Variants in COPS3 observed in about 807,000 individuals in gnomAD.
COPS3 encodes the protein COP9 signalosome subunit 3.
A neutral mutation model predicts 58.2 loss-of-function variants in COPS3; 10 were observed. The ratio of observed to expected loss-of-function variants is 0.17; its 90% CI spans 0.11 to 0.29. The LOEUF (loss-of-function observed/expected upper bound fraction) is 0.29, where lower values mean the gene tolerates loss of function less well. Ranked by LOEUF, COPS3 falls within the 10% of genes least tolerant of loss-of-function variation. The pLI is 1.00. For synonymous variants in COPS3, 187 were observed against 181.7 expected (o/e 1.03, Z -0.24); for missense variants, 333 against 510.1 (o/e 0.65, Z 3.34).
intron 2 of COPS3, among the ~76,000 whole-genome samples, chr17:17,272,389 C>A (rs2048371982): frequency 6.6e-6 from 1 of 152,098 alleles, no homozygotes; most frequent in Admixed American, 6.6e-5. Context: ...TGCCACTGCA[C>A]TCCAGCCCGG....
chr17:17,254,951 A>G lies in COPS3; in HGVS notation c.937-6T>C. The G allele has an allele frequency of 2.5e-6, 4 of 1,602,118 alleles. No individual in the cohort carries two copies. The highest frequency in any genetic ancestry group is 3.4e-6 in the Non-Finnish European group (4 of 1,169,696). ...AATGATAGAGTTAAAAAGGTCTGAAAGTCAGAAGCAGAATTAGTCACAGGT... is the reference window on the plus strand; with the variant it reads ...AATGATAGAGTTAAAAAGGTCTGAAGGTCAGAAGCAGAATTAGTCACAGGT... On this transcript the variant is annotated splice_region_variant and splice_polypyrimidine_tract_variant and intron_variant, in intron 8 of 11. Coordinates refer to ENST00000268717, the MANE Select transcript of COPS3 (RefSeq NM_003653.4).
Position 17,263,505 on chromosome 17 carries a change from C to CT in COPS3, c.621+1296dup, listed in dbSNP as rs1400982096. ...TGAGCCACCTCACCCAGCCTCTTGC[C>CT]TTTTCTTTTTTTTTTTTTTTTTTTT... On this transcript the variant is annotated intron_variant, in intron 6 of 11. Coordinates refer to ENST00000268717, the MANE Select transcript of COPS3 (RefSeq NM_003653.4). Among the ~76,000 whole-genome samples, 89 of 108,476 alleles carry CT rather than the reference C, an allele frequency of 8.2e-4. 4 individuals are homozygous for CT. Among genetic ancestry groups the CT allele is most frequent in the East Asian group, 2.6e-3 (8 of 3,078 alleles). The allele number at this position is 108,476 out of a possible 152,430, so 71.2% of individuals were successfully genotyped here.
At chr17:17,271,532 T>C (rs560425112) in intron 2 of COPS3, among the ~76,000 whole-genome samples, 1 of 151,232 alleles carries the variant, frequency 6.6e-6, no homozygotes, top group Non-Finnish European at 1.5e-5. Flanking sequence ...AAGAAAAATA[T>C]GTTTAGGCCT....
chr17:17,268,356 G>T (rs1220971738), intron 4 of COPS3, among the ~76,000 whole-genome samples: 1 of 152,112 alleles, frequency 6.6e-6, no homozygotes, highest in African/African-American at 2.4e-5. Flanking sequence ...ATTACTTGTG[G>T]CTAAGGGTGT....
chr17:17,261,872 C>A, intron 7 of COPS3, 94 bp downstream of exon 7: 1 of 1,079,558 alleles, frequency 9.3e-7, no homozygotes, highest in Non-Finnish European at 1.3e-6. Flanking sequence ...AGAGCTAAAT[C>A]AGTATAAAAC....
intron 5 of COPS3, among the ~76,000 whole-genome samples, chr17:17,267,482 A>T (rs2048252281): frequency 6.6e-6 from 1 of 151,616 alleles, no homozygotes; most frequent in Non-Finnish European, 1.5e-5. Context: ...TACTAAAAAT[A>T]CAAAAATTAG....
At chr17:17,275,562 G>A (rs567297610) in intron 2 of COPS3, among the ~76,000 whole-genome samples, 6 of 152,244 alleles carry the variant, frequency 3.9e-5, no homozygotes, top group African/African-American at 1.4e-4. Flanking sequence ...TCAATAAACT[G>A]TAACTGCCAT....
rs1457228824 is a variant in COPS3 at position 17,263,353 on chromosome 17, G to A, written c.622-1247C>T. Among the ~76,000 whole-genome samples the A allele has an allele frequency of 2.1e-4, 32 of 150,938 alleles. 1 individual carries two copies. Among genetic ancestry groups the A allele is most frequent in the Non-Finnish European group, 1.5e-5 (1 of 67,798 alleles). ...GTAGCTGGGATTACAGGCGCCTGCT[G>A]CCAGGCCCAGCTAATTTTTGCATTT... On this transcript the variant is annotated intron_variant, in intron 6 of 11. Coordinates refer to ENST00000268717, the MANE Select transcript of COPS3 (RefSeq NM_003653.4).
intron 9 of COPS3, among the ~76,000 whole-genome samples, chr17:17,253,035 G>A (rs1374741548): frequency 6.6e-6 from 1 of 152,118 alleles, no homozygotes; most frequent in Non-Finnish European, 1.5e-5. Flanking sequence ...AGTTATGCCT[G>A]GCCAACATAA....
intron 5 of COPS3, among the ~76,000 whole-genome samples, chr17:17,266,755 T>C (rs1419948712): frequency 6.6e-6 from 1 of 150,898 alleles, no homozygotes; most frequent in Admixed American, 6.6e-5. Context: ...GCCTAGATCA[T>C]GCCACTGCAC....
rs145710793 is a variant in COPS3, at chr17:17,278,999, C to A, written c.55+2133G>T. On this transcript the variant is annotated intron_variant, in intron 1 of 11. Transcript: ENST00000268717. Reference sequence around the variant, plus strand: ...ATGCCATTCTCCTGCCTCAGCCTCCCGAGTAGCTGAGATTACAGGCGCCCG... The same window carrying A: ...ATGCCATTCTCCTGCCTCAGCCTCCAGAGTAGCTGAGATTACAGGCGCCCG... Among the ~76,000 whole-genome samples, 263 of 151,850 alleles carry A rather than the reference C, an allele frequency of 1.7e-3. 6 individuals are homozygous for A. In the East Asian group the frequency reaches 0.039, roughly 23 times the overall value.
At chr17:17,265,026 G>A (rs1429415318) in intron 5 of COPS3, 45 bp from the exon 6 acceptor site, 5 of 1,502,644 alleles carry the variant, frequency 3.3e-6, no homozygotes, top group South Asian at 2.4e-5. Flanking sequence ...TTTTACTTAG[G>A]CAGGTATTAG....
intron 9 of COPS3, among the ~76,000 whole-genome samples, chr17:17,249,888 A>G (rs899564530): frequency 4.6e-5 from 7 of 152,186 alleles, no homozygotes; most frequent in East Asian, 1.9e-4. Flanking sequence ...TCGGCCTCCC[A>G]AAATGCTGGG....
chr17:17,270,392 T>G (rs1429122887), intron 4 of COPS3, among the ~76,000 whole-genome samples: 3 of 152,132 alleles, frequency 2.0e-5, no homozygotes, highest in African/African-American at 7.2e-5. Context: ...GTATGAGAAT[T>G]TTTTATATTA....
intron 10 of COPS3, 94 bp from the exon 11 acceptor site, chr17:17,247,654 C>A: frequency 7.9e-7 from 1 of 1,266,070 alleles, no homozygotes; most frequent in South Asian, 1.3e-5. Flanking sequence ...GCTATAGGTT[C>A]ACAATCTCTT....
rs147720038 is a variant in COPS3, at chr17:17,266,679, A to T, written c.441+1206T>A. On this transcript the variant is annotated intron_variant, in intron 5 of 11. Coordinates refer to ENST00000268717, the MANE Select transcript of COPS3 (RefSeq NM_003653.4). ...CCGGGTGTAGTGGTGCACGTCCACAATCCCAGCTACTCAGGAGGCTGAGGA... is the reference window on the plus strand; with the variant it reads ...CCGGGTGTAGTGGTGCACGTCCACATTCCCAGCTACTCAGGAGGCTGAGGA... Among the ~76,000 whole-genome samples, 70 of 152,096 alleles carry T rather than the reference A, an allele frequency of 4.6e-4. 1 individual carries two copies. The highest frequency in any genetic ancestry group is 1.7e-3 in the African/African-American group (69 of 41,508).
At chr17:17,248,890 CAATT>C (rs1166599475) in intron 10 of COPS3, 32 bp downstream of exon 10, 1 of 1,288,634 alleles carries the variant, frequency 7.8e-7, no homozygotes, top group African/African-American at 1.5e-5. Context: ...TCTCAACCAT[CAATT>C]AAAAAAATAA....
In COPS3 at chr17:17,262,192, G is replaced by A. The variant is rs916349792; in HGVS notation, c.622-86C>T. 4.1e-6 allele frequency: 5 copies of A among 1,223,958 alleles called. No homozygotes were observed. The African/African-American group carries it at 7.8e-5, about 19-fold the overall frequency. 75.8% of individuals were successfully genotyped at this position (1,223,958 alleles called of 1,614,324 possible). ...ACCACATGTATCACATTAATTATAA[G>A]TCAATAATACTTTTTAAATGTCCCA... is the stretch of plus-strand genomic sequence containing the variant. On this transcript the variant is annotated intron_variant, in intron 6 of 11. Transcript: ENST00000268717.
Position 17,270,913 on chromosome 17 carries a change from C to A in COPS3, c.281G>T (p.Arg94Leu). 6.2e-7 allele frequency: 1 copy of A among 1,613,586 alleles called. No individual in the cohort carries two copies. Among genetic ancestry groups the A allele is most frequent in the Non-Finnish European group, 8.5e-7 (1 of 1,179,832 alleles). The stretch of plus-strand genomic sequence containing the variant: ...TAGCTTACAAGTGTCTGTTGCATAT[C>A]GAATGTGCTCCCCATTACAAGTGCT... Reference protein sequence around the residue: ...FISTCNGEHIRYATDTFAGLC... With the variant: ...FISTCNGEHILYATDTFAGLC... Residue 94 changes from arginine to leucine, a missense_variant, in exon 3 of 12, where the codon CGA becomes CTA. Coordinates refer to ENST00000268717, the MANE Select transcript of COPS3 (RefSeq NM_003653.4).
Sources: gnomAD v4.1 joint callset for allele counts (sites outside exome capture counted in the v4.1 genomes callset) on GRCh38, gnomAD v4.1.1 for gene constraint, MANE v1.5 for transcripts, NCBI Gene and HGNC (gene_info 2026-07-23, HGNC 2026-07-21) for gene names.